Variants in TMEM223 observed in about 807,000 individuals in gnomAD.
The protein encoded by TMEM223 is transmembrane protein 223.
A neutral mutation model predicts 14.1 loss-of-function variants in TMEM223; 14 were observed. The ratio of observed to expected loss-of-function variants is 0.99; its 90% confidence interval spans 0.66 to 1.55. The LOEUF is 1.55. Among genes scored for constraint, TMEM223 ranks in the 40% most tolerant of loss-of-function variants. TMEM223 has a pLI of 0.00. For synonymous variants in TMEM223, 145 were observed against 120.5 expected (o/e 1.20, Z -1.33); for missense variants, 346 against 269.9 (o/e 1.28, Z -1.97).
chr11:62,788,953 A>G, downstream of TMEM223: 1 of 1,494,808 alleles, frequency 6.7e-7, no homozygotes, highest in Non-Finnish European at 9.1e-7. Context: ...GTTATCACTA[A>G]CACCCTACCA....
In TMEM223 at chr11:62,790,805, A is replaced by G. The variant is rs1472689779; in HGVS notation, c.427T>C (p.Leu143=). 1 of 1,606,782 alleles carries G rather than the reference A, an allele frequency of 6.2e-7. No homozygotes were observed. Among genetic ancestry groups the G allele is most frequent in the Admixed American group, 1.7e-5 (1 of 58,714 alleles). Residue 143 remains leucine, a synonymous_variant, in exon 2 of 2, where the codon TTG becomes CTG. Coordinates refer to ENST00000307366, the MANE Select transcript of TMEM223 (RefSeq NM_001080501.3). The part of the protein sequence containing the change: ...VTLTTHAPFG[L]GAHFTVPLKQ... ...AAAGGAACTGTGAAATGGGCCCCCA[A>G]GCCAAAGGGGGCATGAGTGGTGAGG...
At chr11:62,783,216 C>T (rs991036374), downstream of TMEM223, among the ~76,000 whole-genome samples, 1 of 152,208 alleles carries the variant, frequency 6.6e-6, no homozygotes, top group South Asian at 2.1e-4. Flanking sequence ...GGCGCAGTGG[C>T]TCACGCCTGT....
chr11:62,787,053 C>T (rs746664527), downstream of TMEM223: 2 of 1,523,024 alleles, frequency 1.3e-6, no homozygotes, highest in Non-Finnish European at 8.8e-7. Flanking sequence ...CCGGGACCGG[C>T]ACCCGCGACG....
At chr11:62,781,917 G>A (rs772348407) in intron 1 of TMEM223, 56 of 1,614,068 alleles carry the variant, frequency 3.5e-5, no homozygotes, top group South Asian at 5.5e-5. Flanking sequence ...ACTTGCAGAC[G>A]AACTCCAAGA....
Position 62,790,441 on chromosome 11 carries a change from G to GTTTT in TMEM223, c.*178_*181dup. The GTTTT allele has an allele frequency of 1.8e-5, 8 of 452,482 alleles. No individual in the cohort carries two copies. The highest frequency in any genetic ancestry group is 6.4e-5 in the South Asian group (2 of 31,108). 28.0% of individuals were successfully genotyped at this position (452,482 alleles called of 1,614,324 possible). A position where few individuals can be genotyped will look rare whatever the true frequency, so the allele number is the denominator to read the frequency against. ...CATTCTAAGATTGGCGTTTTTTTTTGTTTTTTTTTTTGTAAATAGAGACAA... is the reference window on the plus strand; with the variant it reads ...CATTCTAAGATTGGCGTTTTTTTTTGTTTTTTTTTTTTTTTGTAAATAGAGACAA... On this transcript the variant is annotated 3_prime_UTR_variant, in exon 2 of 2. Coordinates refer to ENST00000307366, the MANE Select transcript of TMEM223 (RefSeq NM_001080501.3).
At chr11:62,774,767 G>A (rs1052718403) in intron 1 of TMEM223, 9 of 385,606 alleles carry the variant, frequency 2.3e-5, no homozygotes, top group African/African-American at 1.3e-4. Flanking sequence ...TGGCCAACAT[G>A]GCGAAATCTT....
downstream of TMEM223, chr11:62,787,242 C>T: frequency 6.4e-7 from 1 of 1,562,850 alleles, no homozygotes; most frequent in Non-Finnish European, 8.6e-7. Flanking sequence ...GCCGTACCAG[C>T]CGCCCCGCCC....
rs973975457 is a variant in TMEM223 at position 62,790,431 on chromosome 11, G to A, written c.*192C>T. On this transcript the variant is annotated 3_prime_UTR_variant, in exon 2 of 2. Transcript: ENST00000307366. ...GTTGTTACTCCATTCTAAGATTGGC[G>A]TTTTTTTTTGTTTTTTTTTTTGTAA... 1.8e-6 allele frequency: 1 copy of A among 566,140 alleles called. No homozygotes were observed. The highest frequency in any genetic ancestry group is 3.0e-6 in the Non-Finnish European group (1 of 332,012). 35.1% of individuals were successfully genotyped at this position (566,140 alleles called of 1,614,324 possible).
intron 1 of TMEM223, chr11:62,778,175 G>C (rs771707530): frequency 1.2e-5 from 19 of 1,613,940 alleles, no homozygotes; most frequent in Non-Finnish European, 1.2e-5. Context: ...GTTGGGCCGT[G>C]AAGAGAAGTG....
At chr11:62,789,958 G>A (rs1187488078), downstream of TMEM223, 10 of 1,614,162 alleles carry the variant, frequency 6.2e-6, no homozygotes, top group Non-Finnish European at 8.5e-6. Context: ...GAAGTCTGAA[G>A]CCACCCCATA....
Position 62,791,981 on chromosome 11 carries a change from C to T in TMEM223, c.14G>A (p.Trp5Ter), listed in dbSNP as rs772039708. Residue 5 changes from tryptophan (W) to a stop codon, truncating the protein, a stop_gained, in exon 1 of 2, where the codon TGG (tryptophan) becomes TAG (stop). Coordinates refer to ENST00000307366, the MANE Select transcript of TMEM223 (RefSeq NM_001080501.3). LOFTEE classifies it high-confidence loss of function. ...TAGCAGCCCCGTGGGCCATCGCCTC[C>T]AAGGCGCCGCCATGGCCAGCCGACT... The part of the protein sequence containing the change: MAAP[W>*]RRWPTGLLAV... 5.8e-6 allele frequency: 9 copies of T among 1,545,598 alleles called. No homozygotes were observed. In the South Asian group the frequency reaches 5.9e-5, roughly 10 times the overall value.
At chr11:62,784,022 A>G (rs376346304), downstream of TMEM223, among the ~76,000 whole-genome samples, 1 of 2,676 alleles carries the variant, frequency 3.7e-4, no homozygotes, top group Non-Finnish European at 8.6e-4. Context: ...AGAGTCTCAC[A>G]CTGTCGCCCG....
rs2084180004 is a variant in TMEM223, at chr11:62,775,555, C to T, written c.315-890G>A. 7 of 519,998 alleles carry T rather than the reference C, an allele frequency of 1.3e-5. No individual in the cohort carries two copies. The East Asian group carries it at 2.0e-4, about 14-fold the overall frequency. The allele number at this position is 519,998 out of a possible 1,614,324, so 32.2% of individuals were successfully genotyped here. ...GGAATGGGACCTAGTTCTGTGAACC[C>T]CAACACTTTGGACTTTGTCTAGCTT... On this transcript the variant is annotated intron_variant, in intron 1 of 2. Coordinates refer to the TMEM223 transcript ENST00000528367.
chr11:62,777,347 A>C (rs1199546766), intron 1 of TMEM223, among the ~76,000 whole-genome samples: 1 of 152,146 alleles, frequency 6.6e-6, no homozygotes, highest in South Asian at 2.1e-4. Flanking sequence ...AAAGAAAAAA[A>C]GACTAAACGC....
At chr11:62,778,413 C>A in intron 1 of TMEM223, 1 of 1,530,142 alleles carries the variant, frequency 6.5e-7, no homozygotes, top group Non-Finnish European at 9.0e-7. Context: ...TATGTGCCCC[C>A]GAGTCTGCGT....
chr11:62,781,456 G>A (rs112841130), intron 1 of TMEM223, among the ~76,000 whole-genome samples: 2 of 152,106 alleles, frequency 1.3e-5, no homozygotes, highest in South Asian at 2.1e-4. Flanking sequence ...GGCAGATCAC[G>A]AGGTCAGGAG....
chr11:62,781,852 A>G lies in TMEM223; in HGVS notation c.315-7187T>C, dbSNP rs761537085. On this transcript the variant is annotated intron_variant, in intron 1 of 2. Transcript: ENST00000528367. The stretch of plus-strand genomic sequence containing the variant: ...AAGAATACCGCATTCATGTTTTACA[A>G]TTTTCTGGTGGATCCAATGCAGTCT... 2.8e-5 allele frequency: 44 copies of G among 1,569,858 alleles called. No homozygotes were observed. The highest frequency in any genetic ancestry group is 1.8e-4 in the South Asian group (16 of 90,094).
At chr11:62,778,794 A>G in intron 1 of TMEM223, 4 of 1,245,586 alleles carry the variant, frequency 3.2e-6, no homozygotes, top group Non-Finnish European at 4.7e-6. Context: ...ATGGTGGTTG[A>G]GGGGGAGGAG....
downstream of TMEM223, among the ~76,000 whole-genome samples, chr11:62,784,278 G>T (rs1254595359): frequency 7.2e-6 from 1 of 138,832 alleles, no homozygotes; most frequent in East Asian, 2.2e-4. Context: ...GTGAGCCACC[G>T]GTGCCTGGCC....
Sources: gnomAD v4.1 joint callset for allele counts (sites outside exome capture counted in the v4.1 genomes callset) on GRCh38, gnomAD v4.1.1 for gene constraint, MANE v1.5 for transcripts, NCBI Gene and HGNC (gene_info 2026-07-23, HGNC 2026-07-21) for gene names.